Variants in GAREM1 observed in about 807,000 individuals in gnomAD.
The protein encoded by GAREM1 is GRB2-associated and regulator of MAPK protein 1.
GAREM1 carries 26 observed loss-of-function variants against 71.3 expected under a neutral mutation model. The ratio of observed to expected loss-of-function variants is 0.36; its 90% CI spans 0.27 to 0.51. GAREM1 has a LOEUF of 0.51. GAREM1 is among the 20% of genes least tolerant of loss of function. GAREM1 has a pLI of 0.95. For missense variants in GAREM1, 1,026 were observed against 1,103.1 expected, an observed-to-expected ratio of 0.93 and a Z score of 0.99; for synonymous variants, 440 against 433.2, an observed-to-expected ratio of 1.02 and a Z score of -0.20.
At chr18:32,466,395 C>A (rs1029902857) in intron 1 of GAREM1, among the ~76,000 whole-genome samples, 3 of 152,058 alleles carry the variant, frequency 2.0e-5, no homozygotes, top group African/African-American at 7.2e-5. Flanking sequence ...ATATATTTTA[C>A]TAGAGTTTTT....
intron 1 of GAREM1, among the ~76,000 whole-genome samples, chr18:32,422,134 C>G (rs1489903784): frequency 3.3e-5 from 5 of 151,948 alleles, no homozygotes; most frequent in Non-Finnish European, 2.9e-5. Context: ...TGCTATCCCT[C>G]CCCCCTTCCC....
intron 1 of GAREM1, among the ~76,000 whole-genome samples, chr18:32,411,117 T>C (rs767936985): frequency 2.0e-5 from 3 of 152,186 alleles, no homozygotes; most frequent in Non-Finnish European, 2.9e-5. Flanking sequence ...CGGTTTTATT[T>C]TCTTCTTCAA....
At chr18:32,446,274 C>T (rs1801379969) in intron 1 of GAREM1, among the ~76,000 whole-genome samples, 2 of 149,580 alleles carry the variant, frequency 1.3e-5, no homozygotes, top group African/African-American at 2.5e-5. Context: ...AATTGTTCAC[C>T]ATTAACACAA....
At chr18:32,347,404 C>T (rs1056277968) in intron 2 of GAREM1, among the ~76,000 whole-genome samples, 1 of 152,100 alleles carries the variant, frequency 6.6e-6, no homozygotes, top group Non-Finnish European at 1.5e-5. Flanking sequence ...ATGGAAAGCA[C>T]TGCTCTGCAG....
chr18:32,285,593 AT>A (rs1458768409), intron 4 of GAREM1, among the ~76,000 whole-genome samples: 2 of 152,158 alleles, frequency 1.3e-5, no homozygotes, highest in Non-Finnish European at 1.5e-5. Context: ...TTCTAAACTC[AT>A]TTAAAATGTC....
intron 1 of GAREM1, among the ~76,000 whole-genome samples, chr18:32,447,805 C>T (rs2048798897): frequency 1.3e-5 from 2 of 152,132 alleles, no homozygotes; most frequent in South Asian, 4.1e-4. Context: ...TTTATTTCTA[C>T]AGACATTTCT....
intron 1 of GAREM1, among the ~76,000 whole-genome samples, chr18:32,427,157 T>A (rs571871913): frequency 6.6e-6 from 1 of 152,154 alleles, no homozygotes; most frequent in Admixed American, 6.6e-5. Flanking sequence ...ACATTTGCAC[T>A]GCAAATCAAT....
At chr18:32,465,893 T>G (rs541638011) in intron 1 of GAREM1, among the ~76,000 whole-genome samples, 6 of 152,328 alleles carry the variant, frequency 3.9e-5, no homozygotes, top group African/African-American at 1.4e-4. Flanking sequence ...TCACAATGGT[T>G]CTTCACTCAC....
chr18:32,451,893 T>C (rs1478444157), intron 1 of GAREM1, among the ~76,000 whole-genome samples: 2 of 152,204 alleles, frequency 1.3e-5, no homozygotes, highest in East Asian at 1.9e-4. Context: ...ATCTTCAACA[T>C]GATGCAGTGA....
chr18:32,293,415 AT>A (rs1488343905), intron 3 of GAREM1, among the ~76,000 whole-genome samples: 20 of 152,212 alleles, frequency 1.3e-4, no homozygotes, highest in Non-Finnish European at 2.8e-4. Context: ...ATCTGGGACA[AT>A]TTGAGCATCA....
intron 2 of GAREM1, among the ~76,000 whole-genome samples, chr18:32,360,910 ATCAGCAT>A (rs1257521177): frequency 6.6e-6 from 1 of 152,142 alleles, no homozygotes; most frequent in African/African-American, 2.4e-5. Flanking sequence ...TGCACATTTA[ATCAGCAT>A]TCTCCCTTTG....
At chr18:32,364,181 C>T (rs938282190) in intron 2 of GAREM1, among the ~76,000 whole-genome samples, 2 of 149,770 alleles carry the variant, frequency 1.3e-5, no homozygotes, top group East Asian at 3.9e-4. Context: ...ATTACAGGAA[C>T]CCACCACCAC....
At position 32,446,243 on chromosome 18, in the gene GAREM1, T is replaced by C. The variant is rs1411198404; in HGVS notation, c.121+24065A>G. 2.0e-5 allele frequency among the ~76,000 whole-genome samples: 3 copies of C among 149,142 alleles called. No individual in the cohort carries two copies. In the East Asian group the frequency reaches 6.8e-4, roughly 34 times the overall value. On this transcript the variant is annotated intron_variant, in intron 1 of 5. Coordinates refer to ENST00000269209, the MANE Select transcript of GAREM1 (RefSeq NM_001242409.2). The stretch of plus-strand genomic sequence containing the variant: ...CCCATAGTGTGTGTGTGTGTGTGTG[T>C]GTGTGTGTGTATAACAACAGAATTG...
intron 2 of GAREM1, among the ~76,000 whole-genome samples, chr18:32,346,632 A>AC (rs1416573102): frequency 6.6e-6 from 1 of 152,216 alleles, no homozygotes; most frequent in African/African-American, 2.4e-5. Flanking sequence ...TGTTCTGCTT[A>AC]TGTTTTTATG....
chr18:32,412,430 A>G, intron 1 of GAREM1: 1 of 1,587,492 alleles, frequency 6.3e-7, no homozygotes, highest in Non-Finnish European at 8.5e-7. Flanking sequence ...TGCTTCCATC[A>G]TTACCAAATC....
chr18:32,453,539 G>GCTGCATTACCCCAATCT (rs2048860592), intron 1 of GAREM1, among the ~76,000 whole-genome samples: 1 of 151,990 alleles, frequency 6.6e-6, no homozygotes, highest in Non-Finnish European at 1.5e-5. Context: ...TTGGTTTGTG[G>GCTGCATTACCCCAATCT]CTGCATTACC....
At position 32,470,801 on chromosome 18, in the gene GAREM1, A is replaced by T. The variant is rs1017977233; in HGVS notation, c.-373T>A. Among the ~76,000 whole-genome samples the T allele has an allele frequency of 1.4e-5, 2 of 147,566 alleles. No homozygotes were observed. Among genetic ancestry groups the T allele is most frequent in the Admixed American group, 6.7e-5 (1 of 14,964 alleles). ...CGCCCGCTCGCCTCCTCCTCCTCTT[A>T]CCCCTCCTTCCCTCCGCCTCGAGCG... On this transcript the variant is annotated 5_prime_UTR_variant, in exon 1 of 6. Coordinates refer to ENST00000269209, the MANE Select transcript of GAREM1 (RefSeq NM_001242409.2). This position sits in a 1 kb window ranked among gnomAD's most constrained non-coding sequence, Gnocchi z 4.4.
intron 4 of GAREM1, among the ~76,000 whole-genome samples, chr18:32,279,058 T>C (rs1261216373): frequency 6.6e-6 from 1 of 152,216 alleles, no homozygotes; most frequent in Non-Finnish European, 1.5e-5. Flanking sequence ...GGTGCTTTCA[T>C]GGACTCAGAA....
At chr18:32,364,696 T>C (rs1382180275) in intron 2 of GAREM1, among the ~76,000 whole-genome samples, 1 of 152,196 alleles carries the variant, frequency 6.6e-6, no homozygotes, top group Non-Finnish European at 1.5e-5. Context: ...AATATACTTA[T>C]AAAATTCTCT....
Sources: allele counts gnomAD v4.1 joint callset (sites outside exome capture counted in the v4.1 genomes callset), GRCh38; gene constraint gnomAD v4.1.1; non-coding constraint Gnocchi (gnomAD v3.1); transcripts MANE v1.5; gene names NCBI Gene and HGNC (gene_info 2026-07-23, HGNC 2026-07-21).